SUPT5H: variants seen among roughly 807,000 people sequenced by gnomAD.
SUPT5H encodes SPT5 homolog, DSIF elongation factor subunit.
In SUPT5H, 24 loss-of-function variants were observed where a neutral mutation model predicts 142.5. The ratio of observed to expected loss-of-function variants is 0.17; its 90% confidence interval spans 0.12 to 0.24. The LOEUF (loss-of-function observed/expected upper bound fraction) is 0.24, where lower values mean the gene tolerates loss of function less well. SUPT5H is among the 10% of genes least tolerant of loss of function. The probability of loss-of-function intolerance (pLI) is 1.00; values close to 1 mark genes in which losing one functional copy is unlikely to be tolerated. For missense variants in SUPT5H, 893 were observed against 1,471.8 expected, an observed-to-expected ratio of 0.61 and a Z score of 6.43; for synonymous variants, 546 against 553.0, an observed-to-expected ratio of 0.99 and a Z score of 0.18.
At chr19:39,460,089 C>T (rs200292686) in intron 10 of SUPT5H, 129 bp downstream of exon 10, 8 of 885,842 alleles carry the variant, frequency 9.0e-6, no homozygotes, top group East Asian at 7.6e-5. Flanking sequence ...GCTGCTTGAG[C>T]TGGAATAAGA....
chr19:39,472,436 G>T lies in SUPT5H; in HGVS notation c.1978G>T (p.Gly660Cys). Reference sequence around the variant, plus strand: ...CCGTGATGTGACCAACTTCACCGTGGGTGGCTTTGCGCCTATGAGTCCCCG... The same window carrying T: ...CCGTGATGTGACCAACTTCACCGTGTGTGGCTTTGCGCCTATGAGTCCCCG... ...KPRDVTNFTV[G>C]GFAPMSPRIS... Residue 660 changes from glycine to cysteine, a missense_variant, in exon 21 of 30, where the codon GGT becomes TGT. Around this residue, in one of 6 missense-constraint regions of SUPT5H, gnomAD observed 428 missense variants for 763.5 expected, o/e 0.56. Coordinates refer to ENST00000432763, the MANE Select transcript of SUPT5H (RefSeq NM_001111020.3). This position sits in a 1 kb window ranked among gnomAD's most constrained non-coding sequence, Gnocchi z 4.2. 6.2e-7 allele frequency: 1 copy of T among 1,614,086 alleles called. No homozygotes were observed. The highest frequency in any genetic ancestry group is 8.5e-7 in the Non-Finnish European group (1 of 1,179,980).
In SUPT5H at chr19:39,474,868, C is replaced by T; in HGVS notation, c.3024+150C>T. On this transcript the variant is annotated intron_variant, in intron 28 of 29. Transcript: ENST00000432763. This position sits in a 1 kb window ranked among gnomAD's most constrained non-coding sequence, Gnocchi z 6.5. The stretch of plus-strand genomic sequence containing the variant: ...GAGGGCAAGGGGAGCTATGTGAACC[C>T]AAAGGAGGCATCTTACCTGATTTAG... The T allele has an allele frequency of 1.2e-6, 1 of 836,928 alleles. No homozygotes were observed. The highest frequency in any genetic ancestry group is 2.7e-5 in the East Asian group (1 of 37,412). The allele number at this position is 836,928 out of a possible 1,614,324, so 51.8% of individuals were successfully genotyped here. A position where few individuals can be genotyped will look rare whatever the true frequency, so the allele number is the denominator to read the frequency against.
chr19:39,462,157 C>G (rs1460679132), intron 10 of SUPT5H, among the ~76,000 whole-genome samples: 1 of 152,148 alleles, frequency 6.6e-6, no homozygotes, highest in Non-Finnish European at 1.5e-5. Context: ...GATCCACCCG[C>G]CTTGGCCTCC....
At chr19:39,456,204 A>G (rs2146087642) in intron 3 of SUPT5H, among the ~76,000 whole-genome samples, 1 of 149,832 alleles carries the variant, frequency 6.7e-6, no homozygotes, top group Middle Eastern at 3.5e-3. Flanking sequence ...AGCATGAGCC[A>G]TTGTGCCCAG....
Position 39,476,161 on chromosome 19 carries a change from C to T in SUPT5H, c.3105C>T (p.Pro1035=), listed in dbSNP as rs574066305. 1 of 1,614,030 alleles carries T rather than the reference C, an allele frequency of 6.2e-7. No individual in the cohort carries two copies. Among genetic ancestry groups the T allele is most frequent in the South Asian group, 1.1e-5 (1 of 91,080 alleles). The change falls in exon 29 of 30, where the codon CCC becomes CCT. Residue 1035 remains proline, a synonymous_variant. Coordinates refer to ENST00000432763, the MANE Select transcript of SUPT5H (RefSeq NM_001111020.3). The part of the protein sequence containing the change: ...ISSEHLEPIT[P]TKNNKVKVIL... ...GTGAGCACCTGGAGCCTATCACCCCCACCAAGAACAACAAGGTAAGGGCAG... is the reference window on the plus strand; with the variant it reads ...GTGAGCACCTGGAGCCTATCACCCCTACCAAGAACAACAAGGTAAGGGCAG...
At position 39,470,501 on chromosome 19, in the gene SUPT5H, G is replaced by A. The variant is rs772751857; in HGVS notation, c.1655G>A (p.Arg552Gln). The A allele has an allele frequency of 1.1e-5, 17 of 1,577,792 alleles. No individual in the cohort carries two copies. The highest frequency in any genetic ancestry group is 5.9e-5 in the South Asian group (5 of 85,360). The change falls in exon 18 of 30, where the codon CGA (arginine) becomes CAA (glutamine). Residue 552 changes from arginine to glutamine, a missense_variant. Arg to Gln is a conservative substitution (Grantham distance 43). Transcript: ENST00000432763. The surrounding 1 kb of genome is among the most constrained non-coding windows in gnomAD (Gnocchi z 5.8). Reference sequence around the variant, plus strand: ...CCCCAGACTGTGGGTGTCATCGTGCGACTAGAACGGGAGACCTTCCAGGTG... The same window carrying A: ...CCCCAGACTGTGGGTGTCATCGTGCAACTAGAACGGGAGACCTTCCAGGTG... ...LDPQTVGVIVRLERETFQVLN... is the reference protein window; with the variant it reads ...LDPQTVGVIVQLERETFQVLN...
chr19:39,473,017 A>C lies in SUPT5H; in HGVS notation c.2161A>C (p.Ile721Leu). The change falls in exon 23 of 30, where the codon ATC becomes CTC. Residue 721 changes from isoleucine to leucine, a missense_variant. Around this residue, in one of 6 missense-constraint regions of SUPT5H, gnomAD observed 336 missense variants for 546.5 expected, o/e 0.61. Coordinates refer to ENST00000432763, the MANE Select transcript of SUPT5H (RefSeq NM_001111020.3). This position sits in a 1 kb window ranked among gnomAD's most constrained non-coding sequence, Gnocchi z 5.8. ...RISQGPYKGY[I>L]GVVKDATEST... ...GACCTCCTGTCCCCCTGCAGGCTAC[A>C]TCGGTGTGGTGAAAGATGCCACAGA... 4 of 1,613,722 alleles carry C rather than the reference A, an allele frequency of 2.5e-6. No individual in the cohort carries two copies. Among genetic ancestry groups the C allele is most frequent in the Non-Finnish European group, 3.4e-6 (4 of 1,179,820 alleles).
At chr19:39,452,249 G>T (rs1296567164) in intron 2 of SUPT5H, among the ~76,000 whole-genome samples, 1 of 152,116 alleles carries the variant, frequency 6.6e-6, no homozygotes, top group African/African-American at 2.4e-5. Flanking sequence ...GATGCTGCTG[G>T]TGCATGGAGG....
intron 2 of SUPT5H, among the ~76,000 whole-genome samples, chr19:39,449,102 AC>A (rs554823067): frequency 4.0e-5 from 6 of 151,568 alleles, no homozygotes; most frequent in African/African-American, 1.2e-4. Context: ...AAAACAAAAA[AC>A]AAAAAACAAA....
At chr19:39,456,836 G>A (rs2079097143) in intron 3 of SUPT5H, among the ~76,000 whole-genome samples, 1 of 152,180 alleles carries the variant, frequency 6.6e-6, no homozygotes, top group African/African-American at 2.4e-5. Flanking sequence ...TGAGATTACA[G>A]GTGTGAGCCA....
At position 39,476,072 on chromosome 19, in the gene SUPT5H, A is replaced by G. The variant is rs748325799; in HGVS notation, c.3025-9A>G. 5 of 1,613,584 alleles carry G rather than the reference A, an allele frequency of 3.1e-6. No individual in the cohort carries two copies. Among genetic ancestry groups the G allele is most frequent in the African/African-American group, 2.7e-5 (2 of 74,848 alleles). ...AGGACAGGCTGACCAGGCTGTCCCC[A>G]TCCTCCAGGGGGGCATGTGCTCTGT... On this transcript the variant is annotated splice_polypyrimidine_tract_variant and intron_variant, in intron 28 of 29. Coordinates refer to ENST00000432763, the MANE Select transcript of SUPT5H (RefSeq NM_001111020.3).
chr19:39,447,642 C>G (rs998313853), intron 2 of SUPT5H, among the ~76,000 whole-genome samples: 2 of 152,132 alleles, frequency 1.3e-5, no homozygotes, highest in Admixed American at 6.6e-5. Context: ...TGGTCTTGAA[C>G]TCCTGACCTC....
chr19:39,458,170 C>T lies in SUPT5H; in HGVS notation c.308-124C>T. ...AACCTTTCTGTGTCCCTCCCTTCCC[C>T]TCCCCCAACCCATTGGTTGATTTTG... is the stretch of plus-strand genomic sequence containing the variant. On this transcript the variant is annotated intron_variant, in intron 4 of 29. Coordinates refer to ENST00000432763, the MANE Select transcript of SUPT5H (RefSeq NM_001111020.3). This position sits in a 1 kb window ranked among gnomAD's most constrained non-coding sequence, Gnocchi z 4.2. 1.4e-6 allele frequency: 2 copies of T among 1,468,850 alleles called. No individual in the cohort carries two copies. The highest frequency in any genetic ancestry group is 1.4e-5 in the African/African-American group (1 of 72,014). The allele number at this position is 1,468,850 out of a possible 1,614,324, so 91.0% of individuals were successfully genotyped here.
chr19:39,473,573 G>A lies in SUPT5H; in HGVS notation c.2492+52G>A, dbSNP rs566614996. The A allele has an allele frequency of 1.9e-6, 3 of 1,564,508 alleles. No homozygotes were observed. The African/African-American group carries it at 4.0e-5, about 21-fold the overall frequency. On this transcript the variant is annotated intron_variant, in intron 25 of 29. Transcript: ENST00000432763. This position sits in a 1 kb window ranked among gnomAD's most constrained non-coding sequence, Gnocchi z 5.8. Reference sequence around the variant, plus strand: ...GTGTGTGCTGGTGTGTGTGAGGGATGATGCTGGGTGTCTGGGGCATTGGAG... The same window carrying A: ...GTGTGTGCTGGTGTGTGTGAGGGATAATGCTGGGTGTCTGGGGCATTGGAG...
Position 39,474,252 on chromosome 19 carries a change from C to G in SUPT5H, c.2670C>G (p.Phe890Leu), listed in dbSNP as rs746829064. The G allele has an allele frequency of 1.9e-6, 3 of 1,614,074 alleles. No individual in the cohort carries two copies. Among genetic ancestry groups the G allele is most frequent in the Non-Finnish European group, 2.5e-6 (3 of 1,180,002 alleles). The change falls in exon 27 of 30, where the codon TTC (phenylalanine) becomes TTG (leucine). Residue 890 changes from phenylalanine (F) to leucine (L), a missense_variant. Physicochemically the swap from Phe to Leu is conservative, Grantham distance 22. Around this residue, in one of 6 missense-constraint regions of SUPT5H, gnomAD observed 336 missense variants for 546.5 expected, o/e 0.61. Transcript: ENST00000432763. The surrounding 1 kb of genome is among the most constrained non-coding windows in gnomAD (Gnocchi z 6.5). ...TCTGCAGGTACAACACAGACCAGTT[C>G]TCTCCCTATGCTGCCCCCTCCCCAC... Reference protein sequence around the residue: ...GTPAMYNTDQFSPYAAPSPQG... With the variant: ...GTPAMYNTDQLSPYAAPSPQG...
In SUPT5H at chr19:39,459,026, G is replaced by A. The variant is rs1339636484; in HGVS notation, c.411G>A (p.Leu137=). ...CCAGGGACCAGCGAGAAGAAGAACT[G>A]GGCGAGTATTACATGAAGAAATACG... ...NLWRDQREEE[L]GEYYMKKYAK... Residue 137 remains leucine (L), a synonymous_variant, in exon 7 of 30, where the codon CTG becomes CTA. Transcript: ENST00000432763. 1.9e-6 allele frequency: 3 copies of A among 1,614,052 alleles called. No homozygotes were observed. The East Asian group carries it at 6.7e-5, about 36-fold the overall frequency.
At chr19:39,453,004 C>T (rs976920035) in intron 2 of SUPT5H, among the ~76,000 whole-genome samples, 2 of 114,178 alleles carry the variant, frequency 1.8e-5, no homozygotes, top group Non-Finnish European at 3.5e-5. Context: ...CAGAGTGGGA[C>T]TCTGTCTCAA....
intron 28 of SUPT5H, chr19:39,475,270 G>A (rs2079388034): frequency 6.7e-6 from 1 of 149,890 alleles, no homozygotes; most frequent in Non-Finnish European, 1.5e-5. Context: ...AGTGGCGCAT[G>A]CCTGTAATCC....
chr19:39,454,319 T>G (rs1023284955), intron 3 of SUPT5H, among the ~76,000 whole-genome samples: 1 of 151,996 alleles, frequency 6.6e-6, no homozygotes, highest in Admixed American at 6.6e-5. Context: ...GTTAGTCAAA[T>G]TGCTAGGTAA....
Sources: gnomAD v4.1 joint callset for allele counts (sites outside exome capture counted in the v4.1 genomes callset) on GRCh38, gnomAD v4.1.1 for gene constraint, gnomAD v4.1.1 regional missense constraint, Gnocchi (gnomAD v3.1) non-coding constraint, MANE v1.5 for transcripts, NCBI Gene and HGNC (gene_info 2026-07-23, HGNC 2026-07-21) for gene names.